Variants in RBFOX1 observed in about 807,000 individuals in gnomAD.
The protein encoded by RBFOX1 is RNA binding fox-1 homolog 1, also known as RNA binding protein fox-1 homolog 1.
A neutral mutation model predicts 57.7 loss-of-function variants in RBFOX1; 8 were observed. The observed-to-expected ratio is 0.14, with a 90% CI of 0.08 to 0.25. RBFOX1 has a LOEUF of 0.25. Ranked by LOEUF, RBFOX1 falls within the 10% of genes least tolerant of loss-of-function variation. The pLI, the probability that RBFOX1 is intolerant of heterozygous loss-of-function variation, is 1.00. For missense variants in RBFOX1, 611 were observed against 548.5 expected (o/e 1.11, Z -1.14); for synonymous variants, 326 against 222.4 (o/e 1.47, Z -4.15).
intron 2 of RBFOX1, among the ~76,000 whole-genome samples, chr16:5,579,198 C>T (rs912183109): frequency 6.6e-6 from 1 of 152,082 alleles, no homozygotes; most frequent in Non-Finnish European, 1.5e-5. Flanking sequence ...ATCGCCCCAC[C>T]CAACTTGCAC....
chr16:6,033,403 C>T (rs915196009), intron 1 of RBFOX1, among the ~76,000 whole-genome samples: 1 of 152,170 alleles, frequency 6.6e-6, no homozygotes, highest in African/African-American at 2.4e-5. Flanking sequence ...TTGCACTTGC[C>T]TTGCAGTTTA....
At chr16:7,368,806 T>C (rs1322394280) in intron 4 of RBFOX1, among the ~76,000 whole-genome samples, 7 of 150,958 alleles carry the variant, frequency 4.6e-5, no homozygotes, top group Non-Finnish European at 8.8e-5. Context: ...ATAAAAATAA[T>C]TGGAGTGTAT....
chr16:7,420,498 G>A (rs2098529993), intron 4 of RBFOX1, among the ~76,000 whole-genome samples: 2 of 152,180 alleles, frequency 1.3e-5, no homozygotes, highest in Admixed American at 1.3e-4. Flanking sequence ...TACATCTCTT[G>A]TCAGACTCAT....
At chr16:6,272,595 T>C (rs569281147) in intron 1 of RBFOX1, among the ~76,000 whole-genome samples, 155 of 152,292 alleles carry the variant, frequency 1.0e-3, no homozygotes, top group Non-Finnish European at 1.8e-3. Context: ...TATTCTAAAA[T>C]ATAAATGAAA....
chr16:5,955,378 A>C, intron 4 of RBFOX1, among the ~76,000 whole-genome samples: 1 of 75,952 alleles, frequency 1.3e-5, no homozygotes, highest in Non-Finnish European at 3.0e-5. Context: ...AAATAAAATA[A>C]AATAAAATAA....
intron 2 of RBFOX1, among the ~76,000 whole-genome samples, chr16:6,578,854 A>G (rs2097488868): frequency 6.6e-6 from 1 of 152,076 alleles, no homozygotes; most frequent in East Asian, 1.9e-4. Flanking sequence ...CTCGAGGCAT[A>G]AGAATGATAC....
At chr16:5,399,939 A>C (rs376894162) in intron 1 of RBFOX1, among the ~76,000 whole-genome samples, 1 of 152,060 alleles carries the variant, frequency 6.6e-6, no homozygotes, top group South Asian at 2.1e-4. Context: ...TGAACCCAAC[A>C]ACCCAAGCCA....
intron 3 of RBFOX1, among the ~76,000 whole-genome samples, chr16:6,886,989 CATG>C (rs1415480892): frequency 6.6e-6 from 1 of 152,062 alleles, no homozygotes; most frequent in East Asian, 1.9e-4. Context: ...TGCTCTTGTT[CATG>C]ATAATTTTTT....
At chr16:6,390,059 G>C (rs1229558568) in intron 2 of RBFOX1, among the ~76,000 whole-genome samples, 1 of 152,182 alleles carries the variant, frequency 6.6e-6, no homozygotes, top group Non-Finnish European at 1.5e-5. Flanking sequence ...GCTGTGAAAT[G>C]ACGGATACCT....
At chr16:7,215,129 A>G (rs371548300) in intron 4 of RBFOX1, among the ~76,000 whole-genome samples, 7 of 151,614 alleles carry the variant, frequency 4.6e-5, no homozygotes, top group East Asian at 3.9e-4. Context: ...TCATTGTTCA[A>G]CTCCCACTTA....
At chr16:6,593,384 A>G (rs2097741549) in intron 2 of RBFOX1, among the ~76,000 whole-genome samples, 2 of 152,318 alleles carry the variant, frequency 1.3e-5, no homozygotes. Flanking sequence ...AGAAAAAATA[A>G]TGATCTGCCT....
At chr16:5,531,433 G>A (rs2044473905) in intron 2 of RBFOX1, among the ~76,000 whole-genome samples, 1 of 152,212 alleles carries the variant, frequency 6.6e-6, no homozygotes, top group Non-Finnish European at 1.5e-5. Context: ...AGGCTTAGAA[G>A]TAGGGGTAAT....
At chr16:6,200,316 T>C (rs2097206990) in intron 1 of RBFOX1, among the ~76,000 whole-genome samples, 1 of 152,108 alleles carries the variant, frequency 6.6e-6, no homozygotes, top group Admixed American at 6.6e-5. Context: ...TTCAACGCTT[T>C]TCATTGTATG....
intron 4 of RBFOX1, among the ~76,000 whole-genome samples, chr16:7,367,366 T>C (rs1568445627): frequency 1.3e-5 from 2 of 152,182 alleles, no homozygotes; most frequent in South Asian, 4.1e-4. Context: ...CAGGTGTAAA[T>C]CTGTCATTTT....
rs192214378 is a variant in RBFOX1, at chr16:6,953,447, G to T, written c.-15-98610G>T. ...TGTCGCCAATGCTGGGTACAGTGGT[G>T]CAGTCTCAGCTCACCGCAACCTCCA... is the stretch of plus-strand genomic sequence containing the variant. On this transcript the variant is annotated intron_variant, in intron 3 of 15. Coordinates refer to ENST00000550418, the MANE Select transcript of RBFOX1 (RefSeq NM_018723.4). Among the ~76,000 whole-genome samples, 46 of 152,050 alleles carry T rather than the reference G, an allele frequency of 3.0e-4. No homozygotes were observed. The East Asian group carries it at 7.0e-3, about 23-fold the overall frequency.
intron 3 of RBFOX1, among the ~76,000 whole-genome samples, chr16:5,640,492 T>C (rs1315397610): frequency 1.3e-5 from 2 of 151,072 alleles, no homozygotes. Flanking sequence ...CACACATATA[T>C]GCACACCATG....
chr16:5,275,637 A>T (rs796655676), intron 1 of RBFOX1, among the ~76,000 whole-genome samples: 5 of 152,332 alleles, frequency 3.3e-5, no homozygotes, highest in African/African-American at 1.2e-4. Flanking sequence ...ATTTAATGCA[A>T]TTCCTATCAA....
At chr16:5,929,123 A>T (rs148668978) in intron 4 of RBFOX1, among the ~76,000 whole-genome samples, 134 of 152,164 alleles carry the variant, frequency 8.8e-4, no homozygotes, top group Admixed American at 2.0e-3. Flanking sequence ...AAATTTTGAC[A>T]GAGACATTGC....
chr16:5,971,942 A>G (rs2059969421), intron 4 of RBFOX1, among the ~76,000 whole-genome samples: 2 of 152,328 alleles, frequency 1.3e-5, no homozygotes, highest in Middle Eastern at 6.8e-3. Context: ...AACAGAGCAG[A>G]AAAACTGAGC....
Sources: gnomAD v4.1 joint callset for allele counts (sites outside exome capture counted in the v4.1 genomes callset) on GRCh38, gnomAD v4.1.1 for gene constraint, MANE v1.5 for transcripts, NCBI Gene and HGNC (gene_info 2026-07-23, HGNC 2026-07-21) for gene names.